The following COL25A1 variants were observed in gnomAD, a reference collection of about 807,000 sequenced individuals.
COL25A1 encodes the protein collagen alpha-1(XXV) chain.
In COL25A1, 103 loss-of-function variants were observed where a neutral mutation model predicts 128.4. The observed-to-expected ratio is 0.80, with a 90% CI of 0.68 to 0.94. The LOEUF is 0.94. Among genes scored for constraint, COL25A1 ranks in the 40% least tolerant of loss-of-function variants. The pLI is 0.00. For missense variants in COL25A1, 745 were observed against 840.0 expected, an observed-to-expected ratio of 0.89 and a Z score of 1.40; for synonymous variants, 279 against 277.2, an observed-to-expected ratio of 1.01 and a Z score of -0.06.
At chr4:108,934,222 A>T (rs1747128597) in intron 11 of COL25A1, among the ~76,000 whole-genome samples, 1 of 151,934 alleles carries the variant, frequency 6.6e-6, no homozygotes, top group Admixed American at 6.6e-5. Flanking sequence ...TTCTCAGCAA[A>T]CTATCACAAG....
intron 10 of COL25A1, among the ~76,000 whole-genome samples, 200 bp from the exon 11 acceptor site, chr4:108,938,043 G>A (rs961654238): frequency 6.6e-6 from 1 of 152,148 alleles, no homozygotes; most frequent in African/African-American, 2.4e-5. Flanking sequence ...AATAAAATTA[G>A]TCTAGATTAT....
rs537560785 is a variant in COL25A1 at position 109,089,083 on chromosome 4, G to C, written c.368-38904C>G. On this transcript the variant is annotated intron_variant, in intron 3 of 37. Transcript: ENST00000399132. ...TGACCAGCACCTGAAGAGGAGGGCT[G>C]GACAAGCACAGTGGGACATTTGGAA... Among the ~76,000 whole-genome samples the C allele has an allele frequency of 9.2e-5, 14 of 152,250 alleles. No homozygotes were observed. In the South Asian group the frequency reaches 2.9e-3, roughly 32 times the overall value.
intron 3 of COL25A1, among the ~76,000 whole-genome samples, chr4:109,296,335 C>A (rs543397280): frequency 6.6e-6 from 1 of 151,960 alleles, no homozygotes; most frequent in Non-Finnish European, 1.5e-5. Flanking sequence ...AAAATAAAAT[C>A]TTTGGGTTTA....
At chr4:108,912,789 C>G (rs1370728854) in intron 13 of COL25A1, among the ~76,000 whole-genome samples, 3 of 152,038 alleles carry the variant, frequency 2.0e-5, no homozygotes, top group African/African-American at 7.2e-5. Flanking sequence ...TATCTATTCT[C>G]TAAATATACT....
chr4:109,134,663 G>A (rs532759334), intron 3 of COL25A1, among the ~76,000 whole-genome samples: 1 of 152,272 alleles, frequency 6.6e-6, no homozygotes, highest in African/African-American at 2.4e-5. Context: ...AGGAGTGAGT[G>A]ATGGGGAAAC....
intron 3 of COL25A1, among the ~76,000 whole-genome samples, chr4:109,182,936 GCA>G (rs139164897): frequency 1.3e-5 from 2 of 151,734 alleles, no homozygotes; most frequent in Non-Finnish European, 2.9e-5. Flanking sequence ...AGAGGTCATA[GCA>G]CACACACACA....
chr4:109,094,342 T>G (rs765492675), intron 3 of COL25A1, among the ~76,000 whole-genome samples: 49 of 152,198 alleles, frequency 3.2e-4, no homozygotes, highest in Non-Finnish European at 5.9e-4. Flanking sequence ...TTGAATTTAA[T>G]TTTCCTCCTT....
At chr4:108,817,716 T>C (rs1162583011) in intron 36 of COL25A1, among the ~76,000 whole-genome samples, 1 of 152,216 alleles carries the variant, frequency 6.6e-6, no homozygotes, top group Admixed American at 6.5e-5. Context: ...TAGTGCTCTA[T>C]TCATATCTAT....
intron 3 of COL25A1, among the ~76,000 whole-genome samples, chr4:109,233,505 A>G (rs911364728): frequency 1.3e-5 from 2 of 149,676 alleles, no homozygotes; most frequent in African/African-American, 5.0e-5. Context: ...AAAAAGTCAT[A>G]TCTAATTCCA....
At chr4:109,069,630 TTTGTGACTACA>T (rs1318241139) in intron 3 of COL25A1, among the ~76,000 whole-genome samples, 1 of 152,148 alleles carries the variant, frequency 6.6e-6, no homozygotes, top group Non-Finnish European at 1.5e-5. Flanking sequence ...ATGGCAAACA[TTTGTGACTACA>T]TCTAAAAGGA....
intron 3 of COL25A1, among the ~76,000 whole-genome samples, chr4:109,276,793 G>A (rs1722897016): frequency 6.6e-6 from 1 of 152,004 alleles, no homozygotes; most frequent in African/African-American, 2.4e-5. Context: ...CTTGTTAGAT[G>A]GGAAAAAATT....
At chr4:109,164,843 G>A (rs994385722) in intron 3 of COL25A1, among the ~76,000 whole-genome samples, 40 of 152,076 alleles carry the variant, frequency 2.6e-4, no homozygotes, top group African/African-American at 9.7e-4. Context: ...CAGTCTATCT[G>A]AATAATCACA....
intron 3 of COL25A1, 102 bp downstream of exon 3, chr4:109,300,481 T>G: frequency 1.3e-6 from 1 of 770,272 alleles, no homozygotes; most frequent in South Asian, 1.7e-5. Flanking sequence ...TGGGTCTGCA[T>G]TCTTTCTTTA....
chr4:109,249,812 T>C lies in COL25A1; in HGVS notation c.367+50771A>G, dbSNP rs143314770. ...ACAAAAGGTTGTGTTAGCAAGGAAA[T>C]TGGGTAACTACTTACTTGAGATAAT... On this transcript the variant is annotated intron_variant, in intron 3 of 37. Transcript: ENST00000399132. Among the ~76,000 whole-genome samples the C allele has an allele frequency of 5.7e-3, 873 of 152,280 alleles. 9 individuals carry two copies. The highest frequency in any genetic ancestry group is 0.019 in the African/African-American group (805 of 41,568).
chr4:108,848,678 G>A (rs1735395135), intron 27 of COL25A1, 81 bp downstream of exon 27: 1 of 942,964 alleles, frequency 1.1e-6, no homozygotes, highest in East Asian at 2.4e-5. Context: ...CAATGCTCAT[G>A]ACATTTTGGC....
intron 15 of COL25A1, among the ~76,000 whole-genome samples, chr4:108,898,594 G>T (rs907711349): frequency 6.6e-6 from 1 of 152,094 alleles, no homozygotes; most frequent in Non-Finnish European, 1.5e-5. Flanking sequence ...TCTCTTTTTG[G>T]TTTTTATGGG....
chr4:109,019,375 C>CTATATATATATAT (rs1757510118), intron 5 of COL25A1, among the ~76,000 whole-genome samples: 1 of 48,890 alleles, frequency 2.0e-5, no homozygotes, highest in Non-Finnish European at 3.4e-5. Context: ...CACACACACA[C>CTATATATATATAT]ATATATATAT....
chr4:109,074,310 C>CAGGCAGACT (rs1247380491), intron 3 of COL25A1, among the ~76,000 whole-genome samples: 1 of 152,148 alleles, frequency 6.6e-6, no homozygotes, highest in Admixed American at 6.5e-5. Context: ...ACCCTTGATT[C>CAGGCAGACT]AGGCAGACTC....
At chr4:108,957,215 G>A (rs1750175707) in intron 8 of COL25A1, among the ~76,000 whole-genome samples, 1 of 152,074 alleles carries the variant, frequency 6.6e-6, no homozygotes, top group South Asian at 2.1e-4. Context: ...ACAGAACCAG[G>A]ACGGTAAGAG....
Sources: gnomAD v4.1 joint callset for allele counts (sites outside exome capture counted in the v4.1 genomes callset) on GRCh38, gnomAD v4.1.1 for gene constraint, MANE v1.5 for transcripts, NCBI Gene and HGNC (gene_info 2026-07-23, HGNC 2026-07-21) for gene names.